Variants in KIAA1217 observed in about 807,000 individuals in gnomAD.
KIAA1217 encodes KIAA1217.
In KIAA1217, 88 loss-of-function variants were observed where a neutral mutation model predicts 163.9. That is an observed-to-expected ratio of 0.54 (90% CI 0.45 to 0.64). KIAA1217 has a LOEUF of 0.64. Ranked by LOEUF, KIAA1217 falls within the 30% of genes least tolerant of loss-of-function variation. The pLI, the probability that KIAA1217 is intolerant of heterozygous loss-of-function variation, is 0.00. For synonymous variants in KIAA1217, 903 were observed against 923.1 expected, an observed-to-expected ratio of 0.98 and a Z score of 0.39; for missense variants, 2,372 against 2,475.0, an observed-to-expected ratio of 0.96 and a Z score of 0.88.
chr10:23,746,419 T>TTTTTA (rs1262577482), intron 1 of KIAA1217, among the ~76,000 whole-genome samples: 1 of 152,052 alleles, frequency 6.6e-6, no homozygotes, highest in African/African-American at 2.4e-5. Flanking sequence ...TATTCTTTAT[T>TTTTTA]TTTTATTTTA....
chr10:24,085,413 T>C (rs1441523039), intron 2 of KIAA1217, among the ~76,000 whole-genome samples: 2 of 152,134 alleles, frequency 1.3e-5, no homozygotes, highest in African/African-American at 4.8e-5. Flanking sequence ...TGAGAATTGT[T>C]CAGGAGATGT....
At chr10:24,139,626 A>G (rs953082305) in intron 2 of KIAA1217, among the ~76,000 whole-genome samples, 2 of 152,154 alleles carry the variant, frequency 1.3e-5, no homozygotes, top group Non-Finnish European at 2.9e-5. Flanking sequence ...ACTATGTGAT[A>G]TTGAACAACT....
intron 2 of KIAA1217, among the ~76,000 whole-genome samples, chr10:24,222,463 C>T (rs1327802623): frequency 1.3e-5 from 2 of 152,134 alleles, no homozygotes; most frequent in Non-Finnish European, 2.9e-5. Context: ...AGGGTGAGTT[C>T]ATAAAGTGAA....
chr10:23,869,137 T>C (rs937233312), intron 1 of KIAA1217, among the ~76,000 whole-genome samples: 1 of 143,186 alleles, frequency 7.0e-6, no homozygotes, highest in Admixed American at 7.0e-5. Flanking sequence ...TTTTTTTTTT[T>C]TTTTTTTTTT....
At position 24,546,382 on chromosome 10, in the gene KIAA1217, C is replaced by T. The variant is rs568646948; in HGVS notation, c.*58C>T. On this transcript the variant is annotated 3_prime_UTR_variant, in exon 21 of 21. Transcript: ENST00000376454. The stretch of plus-strand genomic sequence containing the variant: ...ACATTTAAAAAAAATTAACAGTCTA[C>T]AACAACTGTTTTCACAAGAGAATGT... The T allele has an allele frequency of 2.2e-5, 33 of 1,469,496 alleles. No individual in the cohort carries two copies. Among genetic ancestry groups the T allele is most frequent in the Non-Finnish European group, 2.9e-5 (32 of 1,091,124 alleles). The allele number at this position is 1,469,496 out of a possible 1,614,324, so 91.0% of individuals were successfully genotyped here. A position where few individuals can be genotyped will look rare whatever the true frequency, so the allele number is the denominator to read the frequency against.
chr10:24,457,269 C>G (rs1275268204), intron 5 of KIAA1217, among the ~76,000 whole-genome samples: 1 of 151,958 alleles, frequency 6.6e-6, no homozygotes, highest in Non-Finnish European at 1.5e-5. Flanking sequence ...TTTGGTTCAG[C>G]CTGCAGCTTG....
At chr10:24,051,923 T>C (rs569348806) in intron 2 of KIAA1217, among the ~76,000 whole-genome samples, 25 of 152,256 alleles carry the variant, frequency 1.6e-4, no homozygotes, top group Non-Finnish European at 2.6e-4. Context: ...CTCTGCTGAT[T>C]ATTTCTTTTG....
chr10:23,940,651 A>G (rs1453183379), intron 1 of KIAA1217, among the ~76,000 whole-genome samples: 1 of 152,180 alleles, frequency 6.6e-6, no homozygotes, highest in Non-Finnish European at 1.5e-5. Context: ...GTAACTGCAC[A>G]TGAAACTGGA....
At chr10:24,312,605 G>A (rs948194895) in intron 2 of KIAA1217, among the ~76,000 whole-genome samples, 1 of 151,848 alleles carries the variant, frequency 6.6e-6, no homozygotes, top group African/African-American at 2.4e-5. Context: ...GTGACAGAAT[G>A]AGACTCCATT....
At chr10:24,039,817 TAG>T (rs1848555843) in intron 2 of KIAA1217, among the ~76,000 whole-genome samples, 1 of 151,502 alleles carries the variant, frequency 6.6e-6, no homozygotes, top group East Asian at 1.9e-4. Flanking sequence ...GATATAGATA[TAG>T]ATATAGATAT....
chr10:23,759,285 T>C (rs1403579281), intron 1 of KIAA1217, among the ~76,000 whole-genome samples: 1 of 152,056 alleles, frequency 6.6e-6, no homozygotes, highest in Admixed American at 6.6e-5. Flanking sequence ...GTTGAATTCA[T>C]TTCTTAGTTC....
Position 23,951,583 on chromosome 10 carries a change from G to A in KIAA1217, c.-320-55642G>A, listed in dbSNP as rs140143608. 8.3e-4 allele frequency among the ~76,000 whole-genome samples: 126 copies of A among 152,232 alleles called. 1 individual carries two copies. The East Asian group carries it at 0.018, about 22-fold the overall frequency. On this transcript the variant is annotated intron_variant, in intron 1 of 18. Transcript: ENST00000376462. Reference sequence around the variant, plus strand: ...TGGGAGAATTGCTTGAGCCTGGGACGTGGAAGCTGCTGTGAGCCATGATTG... The same window carrying A: ...TGGGAGAATTGCTTGAGCCTGGGACATGGAAGCTGCTGTGAGCCATGATTG...
intron 1 of KIAA1217, among the ~76,000 whole-genome samples, chr10:23,760,071 G>T (rs376641889): frequency 2.0e-5 from 3 of 152,118 alleles, no homozygotes; most frequent in African/African-American, 7.2e-5. Context: ...CTCCCTTCTT[G>T]GGTTTAGGGA....
chr10:24,422,854 G>C (rs78444107), intron 3 of KIAA1217, among the ~76,000 whole-genome samples: 12,470 of 129,714 alleles, frequency 0.096, 524 homozygotes, highest in Admixed American at 0.11. Flanking sequence ...CTGTCAGGTG[G>C]TTATGGGGGG....
chr10:24,139,051 T>G (rs2063947222), intron 2 of KIAA1217, among the ~76,000 whole-genome samples: 2 of 152,168 alleles, frequency 1.3e-5, no homozygotes, highest in Admixed American at 1.3e-4. Flanking sequence ...CTTTGTCATA[T>G]TTGGGTGTAC....
chr10:24,354,954 C>A (rs1459200940), intron 2 of KIAA1217, among the ~76,000 whole-genome samples: 1 of 152,238 alleles, frequency 6.6e-6, no homozygotes, highest in Non-Finnish European at 1.5e-5. Context: ...TATTTCCCTG[C>A]CTCCTGTCCA....
rs75312554 is a variant in KIAA1217, at chr10:24,105,606, G to T, written c.-171+98232G>T. Among the ~76,000 whole-genome samples, 807 of 152,304 alleles carry T rather than the reference G, an allele frequency of 5.3e-3. 1 individual carries two copies. Among genetic ancestry groups the T allele is most frequent in the Non-Finnish European group, 8.5e-3 (580 of 68,024 alleles). On this transcript the variant is annotated intron_variant, in intron 2 of 18. Coordinates refer to the KIAA1217 transcript ENST00000376462. Reference sequence around the variant, plus strand: ...GTCCACTGATCTCCATGGCCTGCAGGGGCTGCAGTTCTGCTGTCTCCCTTG... The same window carrying T: ...GTCCACTGATCTCCATGGCCTGCAGTGGCTGCAGTTCTGCTGTCTCCCTTG...
intron 6 of KIAA1217, among the ~76,000 whole-genome samples, chr10:24,484,916 C>G (rs879440421): frequency 6.6e-6 from 1 of 152,126 alleles, no homozygotes; most frequent in African/African-American, 2.4e-5. Flanking sequence ...CCATCCAGAA[C>G]AGCCTACACA....
chr10:24,366,008 A>G (rs780874449), intron 2 of KIAA1217, among the ~76,000 whole-genome samples: 6 of 152,206 alleles, frequency 3.9e-5, no homozygotes, highest in Non-Finnish European at 8.8e-5. Flanking sequence ...ATGCGTGTGC[A>G]GTAAGATATG....
Sources: gnomAD v4.1 joint callset for allele counts (sites outside exome capture counted in the v4.1 genomes callset) on GRCh38, gnomAD v4.1.1 for gene constraint, MANE v1.5 for transcripts, NCBI Gene and HGNC (gene_info 2026-07-23, HGNC 2026-07-21) for gene names.